Variants in FHIT observed in about 807,000 individuals in gnomAD.
FHIT encodes fragile histidine triad diadenosine triphosphatase, also known as bis(5'-adenosyl)-triphosphatase.
A neutral mutation model predicts 17.9 loss-of-function variants in FHIT; 19 were observed. The ratio of observed to expected loss-of-function variants is 1.06; its 90% CI spans 0.74 to 1.56. The LOEUF is 1.56. FHIT is among the 40% of genes most tolerant of loss of function. FHIT has a pLI of 0.00. For synonymous variants in FHIT, 81 were observed against 69.7 expected (o/e 1.16, Z -0.81); for missense variants, 248 against 189.2 (o/e 1.31, Z -1.82).
chr3:60,817,707 T>C lies in FHIT; in HGVS notation c.-18+4212A>G, dbSNP rs1263536076. On this transcript the variant is annotated intron_variant, in intron 4 of 9. Coordinates refer to ENST00000492590, the MANE Select transcript of FHIT (RefSeq NM_002012.4). ...GGTCCTCACCAGTTGGAATATGATG[T>C]ACCTATGCACAGTTTTCTTCAAATG... is the stretch of plus-strand genomic sequence containing the variant. Among the ~76,000 whole-genome samples, 7 of 152,126 alleles carry C rather than the reference T, an allele frequency of 4.6e-5. No homozygotes were observed. The East Asian group carries it at 1.2e-3, about 25-fold the overall frequency.
At chr3:60,678,641 CA>C (rs780658058) in intron 4 of FHIT, among the ~76,000 whole-genome samples, 2 of 152,092 alleles carry the variant, frequency 1.3e-5, no homozygotes, top group Non-Finnish European at 2.9e-5. Context: ...CAAATGAAAT[CA>C]GTTATCCAAG....
chr3:60,257,920 T>C (rs1230467407), intron 5 of FHIT, among the ~76,000 whole-genome samples: 1 of 151,862 alleles, frequency 6.6e-6, no homozygotes, highest in Non-Finnish European at 1.5e-5. Flanking sequence ...AGAGAGAATA[T>C]CCGGAAGAAG....
At chr3:60,193,995 G>GA (rs1283264677) in intron 5 of FHIT, among the ~76,000 whole-genome samples, 2 of 152,314 alleles carry the variant, frequency 1.3e-5, no homozygotes, top group Admixed American at 6.5e-5. Context: ...AGAATATCAT[G>GA]AAAATGATCA....
intron 7 of FHIT, among the ~76,000 whole-genome samples, chr3:59,953,959 G>A (rs1707259910): frequency 6.6e-6 from 1 of 152,204 alleles, no homozygotes; most frequent in African/African-American, 2.4e-5. Context: ...TGCATAAGCA[G>A]AGCCCATCCT....
chr3:60,806,497 C>T (rs1441352293), intron 4 of FHIT, among the ~76,000 whole-genome samples: 1 of 152,208 alleles, frequency 6.6e-6, no homozygotes, highest in Non-Finnish European at 1.5e-5. Context: ...TATCAGCATA[C>T]ACTATTTGTA....
In FHIT at chr3:60,129,991, G is replaced by A. The variant is rs149173732; in HGVS notation, c.104-115839C>T. On this transcript the variant is annotated intron_variant, in intron 5 of 9. Coordinates refer to ENST00000492590, the MANE Select transcript of FHIT (RefSeq NM_002012.4). ...TTAGGATTATCTCTCTCTTTCTCTCGCTCACCTACATACACACACCACACA... is the reference window on the plus strand; with the variant it reads ...TTAGGATTATCTCTCTCTTTCTCTCACTCACCTACATACACACACCACACA... Among the ~76,000 whole-genome samples, 130 of 151,654 alleles carry A rather than the reference G, an allele frequency of 8.6e-4. 2 individuals carry two copies. Among genetic ancestry groups the A allele is most frequent in the South Asian group, 8.3e-3 (40 of 4,794 alleles).
At chr3:61,100,335 T>C (rs1001884341) in intron 2 of FHIT, among the ~76,000 whole-genome samples, 1 of 152,172 alleles carries the variant, frequency 6.6e-6, no homozygotes, top group African/African-American at 2.4e-5. Context: ...CTTGTAATAG[T>C]TTGCTGAGAA....
chr3:61,108,338 T>C (rs2036052021), intron 2 of FHIT, among the ~76,000 whole-genome samples: 1 of 152,206 alleles, frequency 6.6e-6, no homozygotes, highest in Non-Finnish European at 1.5e-5. Context: ...CTTACTATTA[T>C]TATTATTCAT....
intron 3 of FHIT, among the ~76,000 whole-genome samples, chr3:60,841,176 A>G (rs782796328): frequency 6.6e-6 from 1 of 152,166 alleles, no homozygotes; most frequent in Non-Finnish European, 1.5e-5. Flanking sequence ...TAACTACCCT[A>G]TTGTAAGTTG....
At position 60,781,201 on chromosome 3, in the gene FHIT, T is replaced by C. The variant is rs146190120; in HGVS notation, c.-18+40718A>G. On this transcript the variant is annotated intron_variant, in intron 4 of 9. Coordinates refer to ENST00000492590, the MANE Select transcript of FHIT (RefSeq NM_002012.4). ...AATAGTTTAATACTTTAAAAAATAG[T>C]AGTGTTGCTGACTTTCAAGCTTTAG... Among the ~76,000 whole-genome samples the C allele has an allele frequency of 3.9e-5, 6 of 152,144 alleles. No individual in the cohort carries two copies. The East Asian group carries it at 5.8e-4, about 15-fold the overall frequency.
intron 3 of FHIT, among the ~76,000 whole-genome samples, chr3:61,036,069 T>C (rs1219216580): frequency 6.6e-6 from 1 of 152,214 alleles, no homozygotes; most frequent in Non-Finnish European, 1.5e-5. Context: ...AGAGGTTTAA[T>C]TGGCTCACAG....
chr3:60,495,395 T>C (rs1342798755), intron 5 of FHIT, among the ~76,000 whole-genome samples: 1 of 152,200 alleles, frequency 6.6e-6, no homozygotes, highest in Non-Finnish European at 1.5e-5. Flanking sequence ...TTTCTATTTT[T>C]CTTTTCCCAA....
intron 1 of FHIT, among the ~76,000 whole-genome samples, chr3:61,245,677 C>T (rs560586627): frequency 3.9e-5 from 6 of 152,280 alleles, no homozygotes; most frequent in East Asian, 1.9e-4. Flanking sequence ...TGCATCCATA[C>T]TTTTTAAAAC....
At chr3:60,736,582 C>T (rs894215763) in intron 4 of FHIT, among the ~76,000 whole-genome samples, 2 of 152,086 alleles carry the variant, frequency 1.3e-5, no homozygotes, top group Non-Finnish European at 2.9e-5. Context: ...GTGAAATGTC[C>T]AGAATAGGTA....
At chr3:60,584,067 A>AC (rs1332556379) in intron 4 of FHIT, among the ~76,000 whole-genome samples, 3 of 152,190 alleles carry the variant, frequency 2.0e-5, no homozygotes, top group Non-Finnish European at 2.9e-5. Flanking sequence ...AGGTATAGGT[A>AC]CAGTTCCTTA....
At chr3:60,962,690 T>C (rs1709519371) in intron 3 of FHIT, among the ~76,000 whole-genome samples, 1 of 152,214 alleles carries the variant, frequency 6.6e-6, no homozygotes, top group Admixed American at 6.5e-5. Context: ...GAGATAATCA[T>C]GTGGTTTTTG....
intron 5 of FHIT, among the ~76,000 whole-genome samples, chr3:60,172,487 G>C (rs1422301841): frequency 4.0e-5 from 6 of 151,446 alleles, no homozygotes; most frequent in Non-Finnish European, 8.8e-5. Flanking sequence ...TGTTAGTCAG[G>C]CTGGTCTCGA....
At chr3:59,929,363 G>GTTTTTTTTTTTTTT (rs869243844) in intron 7 of FHIT, among the ~76,000 whole-genome samples, 15 of 67,064 alleles carry the variant, frequency 2.2e-4, no homozygotes, top group Non-Finnish European at 3.2e-4. Flanking sequence ...TGTTTTTTTG[G>GTTTTTTTTTTTTTT]TTTTTTTTTT....
chr3:60,674,818 G>T (rs1685536193), intron 4 of FHIT, among the ~76,000 whole-genome samples: 1 of 152,112 alleles, frequency 6.6e-6, no homozygotes, highest in Admixed American at 6.5e-5. Flanking sequence ...AGGCCTCATG[G>T]TGTCTTGCCC....
Sources: allele counts gnomAD v4.1 joint callset (sites outside exome capture counted in the v4.1 genomes callset), GRCh38; gene constraint gnomAD v4.1.1; transcripts MANE v1.5; gene names NCBI Gene and HGNC (gene_info 2026-07-23, HGNC 2026-07-21).